CEMIP2: variants seen among roughly 807,000 people sequenced by gnomAD.
CEMIP2 encodes cell surface hyaluronidase CEMIP2.
In CEMIP2, 79 loss-of-function variants were observed where a neutral mutation model predicts 146.9. That is an observed-to-expected ratio of 0.54 (90% CI 0.45 to 0.65). CEMIP2 has a LOEUF of 0.65. Among genes scored for constraint, CEMIP2 ranks in the 30% least tolerant of loss-of-function variants. The pLI, the probability that CEMIP2 is intolerant of heterozygous loss-of-function variation, is 0.00. For synonymous variants in CEMIP2, 601 were observed against 606.3 expected (o/e 0.99, Z 0.13); for missense variants, 1,596 against 1,696.2 (o/e 0.94, Z 1.04).
intron 12 of CEMIP2, 37 bp downstream of exon 12, chr9:71,722,390 G>A (rs750971853): frequency 5.8e-6 from 9 of 1,540,234 alleles, no homozygotes; most frequent in East Asian, 4.5e-5. Context: ...CTTTGGCAAA[G>A]TATAGCTTGA....
In CEMIP2 at chr9:71,730,784, T is replaced by C. The variant is rs1355250647; in HGVS notation, c.1694A>G (p.His565Arg). Residue 565 changes from histidine to arginine, a missense_variant, in exon 8 of 24, where the codon CAT becomes CGT. Coordinates refer to ENST00000377044, the MANE Select transcript of CEMIP2 (RefSeq NM_013390.3). The stretch of plus-strand genomic sequence containing the variant: ...AGACAGGCCGTCCACAAATGTTGCA[T>C]GTCTGTATCCTCCTTTATAATCCAC... ...GDVDYKGGYRHATFVDGLSIH... is the reference protein window; with the variant it reads ...GDVDYKGGYRRATFVDGLSIH... 6.2e-7 allele frequency: 1 copy of C among 1,614,100 alleles called. No homozygotes were observed. The highest frequency in any genetic ancestry group is 8.5e-7 in the Non-Finnish European group (1 of 1,180,044).
intron 1 of CEMIP2, among the ~76,000 whole-genome samples, chr9:71,759,756 C>G (rs1224611848): frequency 7.0e-6 from 1 of 142,136 alleles, no homozygotes; most frequent in Non-Finnish European, 1.5e-5. Context: ...TTGGTCCTTC[C>G]TGCAACGGAT....
At chr9:71,732,542 A>G (rs755359045) in intron 6 of CEMIP2, 22 bp from the exon 7 acceptor site, 2 of 1,569,644 alleles carry the variant, frequency 1.3e-6, no homozygotes, top group Admixed American at 2.1e-5. Context: ...GAGCAAGGAA[A>G]AAAAAGAATA....
intron 7 of CEMIP2, 112 bp from the exon 8 acceptor site, chr9:71,731,026 T>C (rs866161432): frequency 1.7e-5 from 14 of 841,838 alleles, no homozygotes; most frequent in Middle Eastern, 6.9e-4. Flanking sequence ...AAACATTCGA[T>C]TTTCTTTTGC....
Position 71,704,640 on chromosome 9 carries a change from C to A in CEMIP2, c.3149G>T (p.Gly1050Val), listed in dbSNP as rs1334527858. 6.2e-7 allele frequency: 1 copy of A among 1,613,940 alleles called. No homozygotes were observed. The highest frequency in any genetic ancestry group is 8.5e-7 in the Non-Finnish European group (1 of 1,180,020). Residue 1050 changes from glycine to valine, a missense_variant, in exon 18 of 24, where the codon GGG (glycine) becomes GTG (valine). By Grantham distance (109) the Gly-to-Val change is moderately radical. Coordinates refer to ENST00000377044, the MANE Select transcript of CEMIP2 (RefSeq NM_013390.3). ...TAGAAATGTAGTCCGTGGTGCCGGC[C>A]CATTCCAGTGGATGGTATAACCCTT... The part of the protein sequence containing the change: ...LEKGYTIHWN[G>V]PAPRTTFLYL...
chr9:71,749,056 C>T (rs987522321), intron 2 of CEMIP2, among the ~76,000 whole-genome samples: 1 of 152,154 alleles, frequency 6.6e-6, no homozygotes, highest in African/African-American at 2.4e-5. Context: ...TTTTATGAGG[C>T]AATTCTTTGT....
chr9:71,757,037 T>G (rs1280857011), intron 1 of CEMIP2, among the ~76,000 whole-genome samples: 1 of 152,176 alleles, frequency 6.6e-6, no homozygotes, highest in East Asian at 1.9e-4. Flanking sequence ...GCTGCTGAGA[T>G]GTTAATATGC....
intron 22 of CEMIP2, chr9:71,687,462 C>CTCTGTGTGTGTGTGTGTG (rs148162501): frequency 7.1e-6 from 1 of 141,328 alleles, no homozygotes; most frequent in African/African-American, 2.8e-5. Context: ...TATTTATTTT[C>CTCTGTGTGTGTGTGTGTG]TGTGTGTGTG....
At chr9:71,707,639 C>T (rs1262061479) in intron 17 of CEMIP2, among the ~76,000 whole-genome samples, 1 of 152,146 alleles carries the variant, frequency 6.6e-6, no homozygotes, top group Non-Finnish European at 1.5e-5. Flanking sequence ...AAGTGACAAG[C>T]GGGAGCCCGA....
chr9:71,722,653 G>A, intron 11 of CEMIP2, 138 bp from the exon 12 acceptor site: 2 of 371,074 alleles, frequency 5.4e-6, no homozygotes, highest in Non-Finnish European at 9.0e-6. Flanking sequence ...CAAAGGTACT[G>A]TAAAAAAAAA....
At chr9:71,701,207 G>A (rs1822550975) in intron 18 of CEMIP2, among the ~76,000 whole-genome samples, 2 of 152,114 alleles carry the variant, frequency 1.3e-5, no homozygotes, top group South Asian at 4.1e-4. Flanking sequence ...CCAGGTTCAA[G>A]CAATTGTCCT....
At chr9:71,698,975 G>T (rs977789834) in intron 19 of CEMIP2, among the ~76,000 whole-genome samples, 1 of 150,002 alleles carries the variant, frequency 6.7e-6, no homozygotes, top group Non-Finnish European at 1.5e-5. Flanking sequence ...ACAAAGTTGA[G>T]ATTATGAGGT....
At chr9:71,760,920 T>G (rs7867139) in intron 1 of CEMIP2, among the ~76,000 whole-genome samples, 31,190 of 152,198 alleles carry the variant, frequency 0.2, 3,492 homozygotes, top group African/African-American at 0.3. Context: ...ATATTTCTCA[T>G]ATTTCTTTTT....
At chr9:71,731,357 G>T (rs180935462) in intron 7 of CEMIP2, among the ~76,000 whole-genome samples, 2 of 152,158 alleles carry the variant, frequency 1.3e-5, no homozygotes, top group African/African-American at 4.8e-5. Context: ...GTGATCCAAA[G>T]TTTGAGCACT....
chr9:71,753,180 A>T lies in CEMIP2; in HGVS notation c.-12-2795T>A, dbSNP rs976355629. Among the ~76,000 whole-genome samples, 14 of 152,190 alleles carry T rather than the reference A, an allele frequency of 9.2e-5. No homozygotes were observed. The East Asian group carries it at 2.3e-3, about 25-fold the overall frequency. ...AGGGTGGGAGGGGAATCACAGCCCT[A>T]ATCTGCTCTGAAAGGGAGTGGGAAT... On this transcript the variant is annotated intron_variant, in intron 1 of 23. Transcript: ENST00000377044.
chr9:71,753,768 T>G (rs1461750966), intron 1 of CEMIP2, among the ~76,000 whole-genome samples: 3 of 152,180 alleles, frequency 2.0e-5, no homozygotes, highest in Admixed American at 1.3e-4. Flanking sequence ...CACAATATTA[T>G]GTATTAATTA....
In CEMIP2 at chr9:71,689,574, C is replaced by T. The variant is rs911653612; in HGVS notation, c.3851+518G>A. Among the ~76,000 whole-genome samples, 3 of 152,338 alleles carry T rather than the reference C, an allele frequency of 2.0e-5. No individual in the cohort carries two copies. In the South Asian group the frequency reaches 6.2e-4, roughly 32 times the overall value. On this transcript the variant is annotated intron_variant, in intron 22 of 23. Transcript: ENST00000377044. ...AAAAATCAATTTACTCTTTTCCAGTCATTTCCAAGTGACCCAGGTGATGAC... is the reference window on the plus strand; with the variant it reads ...AAAAATCAATTTACTCTTTTCCAGTTATTTCCAAGTGACCCAGGTGATGAC...
intron 14 of CEMIP2, 148 bp from the exon 15 acceptor site, chr9:71,715,237 C>CTTTT (rs34322815): frequency 1.1e-4 from 25 of 232,748 alleles, no homozygotes; most frequent in Admixed American, 2.5e-4. Flanking sequence ...TCAGAAACTG[C>CTTTT]TTTTTTTTTT....
chr9:71,693,778 G>A (rs1418831534), intron 21 of CEMIP2, among the ~76,000 whole-genome samples: 1 of 152,200 alleles, frequency 6.6e-6, no homozygotes, highest in East Asian at 1.9e-4. Context: ...AAGAAGCTGT[G>A]ACGGTGTACA....
Sources: allele counts gnomAD v4.1 joint callset (sites outside exome capture counted in the v4.1 genomes callset), GRCh38; gene constraint gnomAD v4.1.1; transcripts MANE v1.5; gene names NCBI Gene and HGNC (gene_info 2026-07-23, HGNC 2026-07-21).